Variants in NRTN observed in about 807,000 individuals in gnomAD.
NRTN encodes prepro-neurturin.
In NRTN, 3 loss-of-function variants were observed where a neutral mutation model predicts 7.5. The observed-to-expected ratio is 0.40, with a 90% CI of 0.18 to 1.03. The LOEUF (loss-of-function observed/expected upper bound fraction) is 1.03, where lower values mean the gene tolerates loss of function less well. Ranked by LOEUF, NRTN falls within the 50% of genes least tolerant of loss-of-function variation. The probability of loss-of-function intolerance (pLI) is 0.34; values close to 1 mark genes in which losing one functional copy is unlikely to be tolerated. For missense variants in NRTN, 310 were observed against 307.0 expected (o/e 1.01, Z -0.07); for synonymous variants, 157 against 146.6 (o/e 1.07, Z -0.51).
chr19:5,827,988 G>C lies in NRTN; in HGVS notation c.409G>C (p.Ala137Pro). The change falls in exon 3 of 3, where the codon GCC becomes CCC. Residue 137 changes from alanine (A) to proline (P), a missense_variant. Coordinates refer to ENST00000303212, the MANE Select transcript of NRTN (RefSeq NM_004558.5). ...FRYCAGACEA[A>P]ARVYDLGLRR... ...CTACTGCGCAGGCGCCTGCGAGGCT[G>C]CCGCGCGCGTCTACGACCTCGGGCT... 2 of 1,462,268 alleles carry C rather than the reference G, an allele frequency of 1.4e-6. No homozygotes were observed. The highest frequency in any genetic ancestry group is 1.8e-6 in the Non-Finnish European group (2 of 1,112,672). The allele number at this position is 1,462,268 out of a possible 1,614,324, so 90.6% of individuals were successfully genotyped here. A position where few individuals can be genotyped will look rare whatever the true frequency, so the allele number is the denominator to read the frequency against.
chr19:5,808,457 G>T (rs2056980278), intron 1 of NRTN, among the ~76,000 whole-genome samples: 1 of 152,176 alleles, frequency 6.6e-6, no homozygotes, highest in South Asian at 2.1e-4. Context: ...CAGAGGGCCG[G>T]GGCCAGAAAT....
intron 1 of NRTN, among the ~76,000 whole-genome samples, chr19:5,818,559 T>A (rs73920065): frequency 6.6e-6 from 1 of 151,790 alleles, no homozygotes; most frequent in African/African-American, 2.4e-5. Flanking sequence ...TGTACCCCTG[T>A]GTGTGTGGCC....
Position 5,828,275 on chromosome 19 carries a change from GC to G in NRTN, c.*106del. ...CGCGTGCGTAGAGCACGCCGGCGCG[GC>G]CCCGGGACTCTCGCGATAACTGTAC... On this transcript the variant is annotated 3_prime_UTR_variant, in exon 3 of 3. Coordinates refer to ENST00000303212, the MANE Select transcript of NRTN (RefSeq NM_004558.5). The G allele has an allele frequency of 7.7e-7, 1 of 1,298,898 alleles. No homozygotes were observed. The highest frequency in any genetic ancestry group is 1.5e-5 in the African/African-American group (1 of 66,334). 80.5% of individuals were successfully genotyped at this position (1,298,898 alleles called of 1,614,324 possible).
intron 1 of NRTN, among the ~76,000 whole-genome samples, chr19:5,818,359 G>A (rs1166418611): frequency 2.0e-5 from 3 of 152,092 alleles, no homozygotes; most frequent in African/African-American, 4.8e-5. Context: ...GTGTGTGAGT[G>A]TGTGTATACG....
rs769422836 is a variant in NRTN at position 5,824,289 on chromosome 19, C to T, written c.124C>T (p.Arg42Cys). Residue 42 changes from arginine (R) to cysteine (C), a missense_variant, in exon 2 of 3, where the codon CGC becomes TGC. Transcript: ENST00000303212. ...RLGPALVPLH[R>C]LPRTLDARIA... The stretch of plus-strand genomic sequence containing the variant: ...CGGACCTGCGCTGGTCCCCCTGCAC[C>T]GCCTGCCTCGAACCCTGGACGCCCG... 5.2e-5 allele frequency: 83 copies of T among 1,609,086 alleles called. No individual in the cohort carries two copies. Among genetic ancestry groups the T allele is most frequent in the Non-Finnish European group, 6.1e-5 (72 of 1,178,976 alleles).
intron 2 of NRTN, among the ~76,000 whole-genome samples, chr19:5,826,589 C>G (rs1209956568): frequency 3.3e-5 from 5 of 152,192 alleles, no homozygotes; most frequent in Non-Finnish European, 5.9e-5. Flanking sequence ...CTTTTGACAG[C>G]CAGGTGCACC....
rs1415296610 is a variant in NRTN, at chr19:5,827,888, C to T, written c.309C>T (p.Cys103=). The stretch of plus-strand genomic sequence containing the variant: ...GTGCGCGGTTGGGGGCGCGGCCTTG[C>T]GGGCTGCGCGAGCTGGAGGTGCGCG... ...RARARLGARP[C]GLRELEVRVS... is the part of the protein sequence containing the mutation. Residue 103 remains cysteine (C), a synonymous_variant, in exon 3 of 3, where the codon TGC becomes TGT. Transcript: ENST00000303212. 3 of 1,376,512 alleles carry T rather than the reference C, an allele frequency of 2.2e-6. No individual in the cohort carries two copies. Among genetic ancestry groups the T allele is most frequent in the South Asian group, 1.7e-5 (1 of 59,522 alleles). The allele number at this position is 1,376,512 out of a possible 1,614,324, so 85.3% of individuals were successfully genotyped here.
intron 1 of NRTN, among the ~76,000 whole-genome samples, chr19:5,817,494 A>G (rs2057008895): frequency 8.9e-6 from 1 of 112,360 alleles, no homozygotes; most frequent in Admixed American, 1.3e-4. Context: ...AAAGAGAGAG[A>G]GAAAGGAAGG....
chr19:5,814,295 G>T (rs559242773), intron 1 of NRTN, among the ~76,000 whole-genome samples: 73 of 152,320 alleles, frequency 4.8e-4, no homozygotes, highest in Admixed American at 1.1e-3. Flanking sequence ...ATGGCTGGGG[G>T]TGGCCAAGAT....
At chr19:5,826,889 A>C (rs918481672) in intron 2 of NRTN, among the ~76,000 whole-genome samples, 3 of 152,184 alleles carry the variant, frequency 2.0e-5, no homozygotes, top group Non-Finnish European at 4.4e-5. Flanking sequence ...GAAGGCAGGA[A>C]GAATGACCTT....
Position 5,805,067 on chromosome 19 carries a change from G to T in NRTN, c.-783G>T, listed in dbSNP as rs2056970750. ...CCGAGCCGTCCGCGGCGGGACGGGC[G>T]GAGGCGGCGGGAGAGCGCGCCCTGA... On this transcript the variant is annotated 5_prime_UTR_variant, in exon 1 of 3. Transcript: ENST00000303212. Among the ~76,000 whole-genome samples, 1 of 145,642 alleles carries T rather than the reference G, an allele frequency of 6.9e-6. No individual in the cohort carries two copies. Among genetic ancestry groups the T allele is most frequent in the South Asian group, 2.1e-4 (1 of 4,770 alleles).
chr19:5,820,604 G>A (rs7252435), intron 1 of NRTN, among the ~76,000 whole-genome samples: 2 of 142,288 alleles, frequency 1.4e-5, no homozygotes, highest in African/African-American at 5.2e-5. Flanking sequence ...TGGCACATTC[G>A]TTTAATCCCA....
At chr19:5,821,621 G>GTTCATTCA (rs3834829) in intron 1 of NRTN, among the ~76,000 whole-genome samples, 103,543 of 146,234 alleles carry the variant, frequency 0.71, 37,508 homozygotes, top group Middle Eastern at 0.9. Flanking sequence ...GCTTCTTTGT[G>GTTCATTCA]TTCATTCATT....
intron 1 of NRTN, among the ~76,000 whole-genome samples, chr19:5,810,136 A>G (rs566510380): frequency 9.3e-5 from 14 of 150,870 alleles, no homozygotes; most frequent in South Asian, 4.2e-4. Context: ...GCATGGTGGC[A>G]GGCACCTGTA....
At chr19:5,817,592 G>A (rs1437830299) in intron 1 of NRTN, among the ~76,000 whole-genome samples, 1 of 148,158 alleles carries the variant, frequency 6.7e-6, no homozygotes, top group African/African-American at 2.5e-5. Flanking sequence ...GGGAAAGAGA[G>A]GAAGGAAGGG....
At chr19:5,815,344 A>AGTGTGTGT (rs139182799) in intron 1 of NRTN, among the ~76,000 whole-genome samples, 16 of 150,120 alleles carry the variant, frequency 1.1e-4, no homozygotes, top group African/African-American at 3.9e-4. Context: ...GGGTTGTTCA[A>AGTGTGTGT]GTGTGTGTGT....
intron 1 of NRTN, among the ~76,000 whole-genome samples, chr19:5,822,458 G>A (rs1337835874): frequency 1.3e-5 from 2 of 152,238 alleles, no homozygotes; most frequent in East Asian, 1.9e-4. Context: ...GCCGCGGGAC[G>A]CTCGGGAGGA....
At chr19:5,818,037 C>T (rs1400437082) in intron 1 of NRTN, among the ~76,000 whole-genome samples, 1 of 151,976 alleles carries the variant, frequency 6.6e-6, no homozygotes, top group Non-Finnish European at 1.5e-5. Context: ...GATCTCAGCT[C>T]ACTGCAACCT....
intron 1 of NRTN, among the ~76,000 whole-genome samples, chr19:5,817,958 C>G (rs779750038): frequency 4.6e-5 from 7 of 151,828 alleles, no homozygotes; most frequent in Non-Finnish European, 1.0e-4. Context: ...CACTGCCACA[C>G]CCGGCTAATT....
Sources: allele counts gnomAD v4.1 joint callset (sites outside exome capture counted in the v4.1 genomes callset), GRCh38; gene constraint gnomAD v4.1.1; transcripts MANE v1.5; gene names NCBI Gene and HGNC (gene_info 2026-07-23, HGNC 2026-07-21).